The following NCKAP5 variants were observed in gnomAD, a reference collection of about 807,000 sequenced individuals.
NCKAP5 encodes the protein NCK associated protein 5, also known as nck-associated protein 5.
Under a neutral mutation model 167.0 loss-of-function variants are expected in NCKAP5, and 92 were observed. That is an observed-to-expected ratio of 0.55 (90% CI 0.47 to 0.66). The LOEUF is 0.66. Among genes scored for constraint, NCKAP5 ranks in the 30% least tolerant of loss-of-function variants. The probability of loss-of-function intolerance (pLI) is 0.00; values close to 1 mark genes in which losing one functional copy is unlikely to be tolerated. For missense variants in NCKAP5, 2,378 were observed against 2,315.0 expected (o/e 1.03, Z -0.56); for synonymous variants, 891 against 877.4 (o/e 1.02, Z -0.27).
intron 2 of NCKAP5, chr2:133,558,218 G>C (rs1046344439): frequency 2.0e-5 from 3 of 152,084 alleles, no homozygotes; most frequent in African/African-American, 4.8e-5. Flanking sequence ...AAAGTCCTAG[G>C]GCATTTGAAG....
Position 133,360,092 on chromosome 2 carries a change from A to G in NCKAP5, c.70-56982T>C, listed in dbSNP as rs1250127223. Among the ~76,000 whole-genome samples, 4 of 152,170 alleles carry G rather than the reference A, an allele frequency of 2.6e-5. No individual in the cohort carries two copies. The South Asian group carries it at 6.2e-4, about 24-fold the overall frequency. ...AGCCTAGGATGAGGAAAAGCATGAA[A>G]TATCATGAGACAATGCACATGAATC... On this transcript the variant is annotated intron_variant, in intron 3 of 19. Transcript: ENST00000409261.
At chr2:133,330,016 C>T (rs981538693) in intron 3 of NCKAP5, among the ~76,000 whole-genome samples, 9 of 146,688 alleles carry the variant, frequency 6.1e-5, no homozygotes, top group Admixed American at 5.4e-4. Context: ...GCATTATTTT[C>T]CAGATTTTGG....
intron 5 of NCKAP5, among the ~76,000 whole-genome samples, chr2:133,144,276 G>C (rs553125474): frequency 1.4e-4 from 22 of 152,134 alleles, no homozygotes; most frequent in Non-Finnish European, 2.9e-4. Context: ...CTGGTAGCAC[G>C]AAAGCAGGTA....
chr2:133,494,047 T>C (rs940670136), intron 3 of NCKAP5, among the ~76,000 whole-genome samples: 1 of 152,218 alleles, frequency 6.6e-6, no homozygotes, highest in Non-Finnish European at 1.5e-5. Context: ...GCCCTTTAAC[T>C]TGATCTATGT....
At chr2:133,454,059 A>G (rs955862116) in intron 3 of NCKAP5, among the ~76,000 whole-genome samples, 4 of 152,092 alleles carry the variant, frequency 2.6e-5, no homozygotes, top group African/African-American at 9.6e-5. Flanking sequence ...TAAAAGGGAC[A>G]GTATATGTTC....
intron 3 of NCKAP5, among the ~76,000 whole-genome samples, chr2:133,507,421 A>C (rs2151410442): frequency 6.6e-6 from 1 of 152,340 alleles, no homozygotes; most frequent in Admixed American, 6.5e-5. Flanking sequence ...ACCAAGAACC[A>C]AAAAGGTGCG....
At chr2:132,899,759 C>T (rs899853700) in intron 8 of NCKAP5, among the ~76,000 whole-genome samples, 4 of 152,142 alleles carry the variant, frequency 2.6e-5, no homozygotes, top group African/African-American at 9.7e-5. Context: ...CCTGTAATCC[C>T]AGCTACTCGG....
intron 4 of NCKAP5, among the ~76,000 whole-genome samples, chr2:133,247,052 C>A (rs1285900504): frequency 6.6e-6 from 1 of 152,164 alleles, no homozygotes; most frequent in East Asian, 1.9e-4. Flanking sequence ...CGTTGTGAGG[C>A]CTTGCAAATA....
chr2:132,757,703 CTG>C (rs149275494), intron 16 of NCKAP5, among the ~76,000 whole-genome samples: 182 of 152,338 alleles, frequency 1.2e-3, no homozygotes, highest in African/African-American at 4.3e-3. Flanking sequence ...CCAGGTGAAA[CTG>C]TGGATTAAAG....
At chr2:132,818,762 T>C (rs1686481976) in intron 11 of NCKAP5, among the ~76,000 whole-genome samples, 1 of 152,200 alleles carries the variant, frequency 6.6e-6, no homozygotes, top group South Asian at 2.1e-4. Flanking sequence ...ATTCAGTATT[T>C]CCTTCAGTTA....
At chr2:133,559,931 T>C (rs942107510) in intron 1 of NCKAP5, among the ~76,000 whole-genome samples, 1 of 152,196 alleles carries the variant, frequency 6.6e-6, no homozygotes, top group African/African-American at 2.4e-5. Flanking sequence ...AAGACATCTA[T>C]CTGTTCCCAC....
intron 15 of NCKAP5, among the ~76,000 whole-genome samples, chr2:132,776,610 T>C (rs755106413): frequency 3.9e-5 from 6 of 152,034 alleles, no homozygotes; most frequent in Non-Finnish European, 8.8e-5. Context: ...AGCAAGAAAA[T>C]GGAAAGTGGG....
intron 6 of NCKAP5, among the ~76,000 whole-genome samples, chr2:133,037,194 GAATC>G (rs1343158823): frequency 6.6e-6 from 1 of 151,998 alleles, no homozygotes; most frequent in Non-Finnish European, 1.5e-5. Context: ...TGGATTGAAA[GAATC>G]AATATCATTA....
Position 132,784,884 on chromosome 2 carries a change from C to G in NCKAP5, c.1927G>C (p.Glu643Gln). ...AAACTAAAAGTCTTTGGCCTAGTCT[C>G]TGAAGGGATGGGCACTTGTTTTTCC... ...EEEKQVPIPS[E>Q]TRPKTFSFIK... The change falls in exon 14 of 20, where the codon GAG (glutamate) becomes CAG (glutamine). Residue 643 changes from glutamate to glutamine, a missense_variant. Glu to Gln is a conservative substitution (Grantham distance 29). Coordinates refer to ENST00000409261, the MANE Select transcript of NCKAP5 (RefSeq NM_207363.3). 6.4e-7 allele frequency: 1 copy of G among 1,565,576 alleles called. No homozygotes were observed. Among genetic ancestry groups the G allele is most frequent in the Non-Finnish European group, 8.6e-7 (1 of 1,157,114 alleles).
At chr2:132,932,040 C>G (rs1306005458) in intron 8 of NCKAP5, among the ~76,000 whole-genome samples, 2 of 152,150 alleles carry the variant, frequency 1.3e-5, no homozygotes, top group African/African-American at 4.8e-5. Flanking sequence ...TTAACAGTTA[C>G]CTCTTGGTTC....
In NCKAP5 at chr2:133,297,209, G is replaced by GTT. The variant is rs568024655; in HGVS notation, c.143+5826_143+5827dup. ...TGTGTGTGTGTGTGTGTGTGTGTGT[G>GTT]TTTTAAATCAAGCAGGGAGATACAG... On this transcript the variant is annotated intron_variant, in intron 4 of 19. Coordinates refer to ENST00000409261, the MANE Select transcript of NCKAP5 (RefSeq NM_207363.3). 1.3e-3 allele frequency among the ~76,000 whole-genome samples: 187 copies of GTT among 144,734 alleles called. 1 individual carries two copies. Among genetic ancestry groups the GTT allele is most frequent in the African/African-American group, 4.7e-3 (180 of 38,170 alleles). The allele number at this position is 144,734 out of a possible 152,430, so 95.0% of individuals were successfully genotyped here. A position where few individuals can be genotyped will look rare whatever the true frequency, so the allele number is the denominator to read the frequency against.
chr2:133,093,398 C>T (rs1378551539), intron 6 of NCKAP5, among the ~76,000 whole-genome samples: 3 of 152,186 alleles, frequency 2.0e-5, no homozygotes, highest in Admixed American at 6.5e-5. Context: ...CTGAATACCA[C>T]TTATGTTGCC....
chr2:133,620,824 A>G, the NCKAP5 span, among the ~76,000 whole-genome samples: 1 of 152,150 alleles, frequency 6.6e-6, no homozygotes, highest in Admixed American at 6.5e-5. Flanking sequence ...TATACATTCT[A>G]TTCATCAGTA....
chr2:133,385,931 C>T (rs1276140746), intron 3 of NCKAP5, among the ~76,000 whole-genome samples: 2 of 149,276 alleles, frequency 1.3e-5, no homozygotes, highest in Non-Finnish European at 3.0e-5. Flanking sequence ...TTTGATTCTT[C>T]TCTCTTTTCT....
Sources: allele counts gnomAD v4.1 joint callset (sites outside exome capture counted in the v4.1 genomes callset), GRCh38; gene constraint gnomAD v4.1.1; transcripts MANE v1.5; gene names NCBI Gene and HGNC (gene_info 2026-07-23, HGNC 2026-07-21).